COX7A2L: variants seen among roughly 807,000 people sequenced by gnomAD.
COX7A2L encodes cytochrome c oxidase subunit 7A2 like.
COX7A2L carries 18 observed loss-of-function variants against 14.2 expected under a neutral mutation model. The observed-to-expected ratio is 1.27, with a 90% CI of 0.88 to 1.88. The LOEUF (loss-of-function observed/expected upper bound fraction) is 1.88, where lower values mean the gene tolerates loss of function less well. COX7A2L is among the 40% of genes most tolerant of loss of function. COX7A2L has a pLI of 0.00. For missense variants in COX7A2L, 179 were observed against 138.8 expected (o/e 1.29, Z -1.46); for synonymous variants, 65 against 57.4 (o/e 1.13, Z -0.60).
downstream of COX7A2L, among the ~76,000 whole-genome samples, chr2:42,346,556 T>C (rs570285065): frequency 7.9e-5 from 12 of 152,208 alleles, no homozygotes; most frequent in South Asian, 4.2e-4. Context: ...AGCAGGAGGA[T>C]TGCTTGAGGC....
rs745545306 is a variant in COX7A2L at position 42,353,230 on chromosome 2, C to T, written c.186G>A (p.Glu62=). 6 of 1,614,098 alleles carry T rather than the reference C, an allele frequency of 3.7e-6. No homozygotes were observed. In the South Asian group the frequency reaches 6.6e-5, roughly 18 times the overall value. ...CCCTCACCTGGAAAAACTTTTGTAG[C>T]TCTGGAACTTTGTTTTTCCCAGCAT... ...YDYAGKNKVP[E]LQKFFQKADG... The change falls in exon 2 of 3, where the codon GAG becomes GAA. Residue 62 remains glutamate, a synonymous_variant. Coordinates refer to ENST00000234301, the MANE Select transcript of COX7A2L (RefSeq NM_004718.4).
Position 42,339,240 on chromosome 2 carries a change from C to T in COX7A2L, c.193-5371G>A, listed in dbSNP as rs1670350317. Among the ~76,000 whole-genome samples the T allele has an allele frequency of 6.6e-6, 1 of 152,164 alleles. No homozygotes were observed. Among genetic ancestry groups the T allele is most frequent in the East Asian group, 1.9e-4 (1 of 5,194 alleles). On this transcript the variant is annotated intron_variant, in intron 2 of 2. Coordinates refer to the COX7A2L transcript ENST00000468711. The surrounding 1 kb of genome is among the most constrained non-coding windows in gnomAD (Gnocchi z 5.4). ...AAACACAAGGATTTGCCAGGGAGGG[C>T]ACTCAGGAAACCACAGACGCGGCCG... is the stretch of plus-strand genomic sequence containing the variant.
At chr2:42,351,840 G>T (rs1256832169) in intron 2 of COX7A2L, among the ~76,000 whole-genome samples, 5 of 152,134 alleles carry the variant, frequency 3.3e-5, no homozygotes, top group Non-Finnish European at 7.4e-5. Context: ...AGGTGTGGTG[G>T]TATGCACCTG....
At chr2:42,355,425 G>A (rs184650428) in intron 1 of COX7A2L, among the ~76,000 whole-genome samples, 6 of 152,198 alleles carry the variant, frequency 3.9e-5, no homozygotes, top group East Asian at 1.9e-4. Flanking sequence ...TTCATGTTTC[G>A]ACAGGACTAA....
chr2:42,348,662 T>C (rs1372373775), downstream of COX7A2L, among the ~76,000 whole-genome samples: 1 of 152,144 alleles, frequency 6.6e-6, no homozygotes, highest in East Asian at 1.9e-4. Context: ...CTCACGCCTG[T>C]AATCCCAGCA....
chr2:42,361,263 G>T, upstream of COX7A2L: 1 of 1,127,444 alleles, frequency 8.9e-7, no homozygotes, highest in Non-Finnish European at 1.3e-6. Context: ...GCAAGGACCC[G>T]GTGCTGGGAC....
chr2:42,338,444 G>A lies in COX7A2L; in HGVS notation c.193-4575C>T, dbSNP rs1448178072. ...AGGTGACCAGGCTTTCTCCGAGAGC[G>A]ACAGGCCCCAGCTATGCTGGCAAGA... On this transcript the variant is annotated intron_variant, in intron 2 of 2. Transcript: ENST00000468711. This position sits in a 1 kb window ranked among gnomAD's most constrained non-coding sequence, Gnocchi z 4.4. Among the ~76,000 whole-genome samples, 13 of 152,176 alleles carry A rather than the reference G, an allele frequency of 8.5e-5. No homozygotes were observed. Among genetic ancestry groups the A allele is most frequent in the East Asian group, 1.9e-4 (1 of 5,194 alleles).
intron 2 of COX7A2L, among the ~76,000 whole-genome samples, chr2:42,351,579 T>G (rs1050101366): frequency 2.6e-5 from 4 of 152,232 alleles, no homozygotes; most frequent in Admixed American, 2.6e-4. Flanking sequence ...GAAGCATGCA[T>G]GCAAAAGATT....
intron 1 of COX7A2L, 150 bp downstream of exon 1, chr2:42,360,940 T>C: frequency 1.3e-6 from 1 of 756,708 alleles, no homozygotes; most frequent in East Asian, 2.7e-5. Flanking sequence ...CACCGTACGC[T>C]GGTGTGGAGA....
Position 42,342,078 on chromosome 2 carries a change from C to A in COX7A2L, c.193-8209G>T, listed in dbSNP as rs550725880. On this transcript the variant is annotated intron_variant, in intron 2 of 2. Coordinates refer to the COX7A2L transcript ENST00000468711. This position sits in a 1 kb window ranked among gnomAD's most constrained non-coding sequence, Gnocchi z 4.9. ...TATGAACTGATTCTAGAGCATCTGA[C>A]CTTCCCCACCCTCTCTAGTGGCGAG... Among the ~76,000 whole-genome samples, 25 of 152,302 alleles carry A rather than the reference C, an allele frequency of 1.6e-4. No individual in the cohort carries two copies. Among genetic ancestry groups the A allele is most frequent in the African/African-American group, 6.0e-4 (25 of 41,566 alleles).
chr2:42,346,609 C>G (rs1205245915), downstream of COX7A2L, among the ~76,000 whole-genome samples: 1 of 152,014 alleles, frequency 6.6e-6, no homozygotes, highest in Non-Finnish European at 1.5e-5. Flanking sequence ...AGCAAGACCT[C>G]GTCTCTCCCA....
Position 42,342,073 on chromosome 2 carries a change from T to A in COX7A2L, c.193-8204A>T, listed in dbSNP as rs1332658484. 1.3e-5 allele frequency among the ~76,000 whole-genome samples: 2 copies of A among 152,178 alleles called. No individual in the cohort carries two copies. Among genetic ancestry groups the A allele is most frequent in the African/African-American group, 4.8e-5 (2 of 41,436 alleles). ...CCAGGTATGAACTGATTCTAGAGCA[T>A]CTGACCTTCCCCACCCTCTCTAGTG... On this transcript the variant is annotated intron_variant, in intron 2 of 2. Coordinates refer to the COX7A2L transcript ENST00000468711. The surrounding 1 kb of genome is among the most constrained non-coding windows in gnomAD (Gnocchi z 4.9).
At chr2:42,366,115 AC>A (rs1671158962), upstream of COX7A2L, among the ~76,000 whole-genome samples, 1 of 152,148 alleles carries the variant, frequency 6.6e-6, no homozygotes, top group South Asian at 2.1e-4. Flanking sequence ...TAGAAAAGCT[AC>A]CTGAATCTAT....
At chr2:42,340,110 C>G (rs756729450) in intron 2 of COX7A2L, among the ~76,000 whole-genome samples, 4 of 152,134 alleles carry the variant, frequency 2.6e-5, no homozygotes, top group Non-Finnish European at 5.9e-5. Context: ...GATTCCTCAC[C>G]TAGAAGACCC....
downstream of COX7A2L, chr2:42,349,263 C>T (rs1204796414): frequency 6.6e-6 from 1 of 152,206 alleles, no homozygotes; most frequent in Non-Finnish European, 1.5e-5. Context: ...CGATTGAATA[C>T]TATTCAGATA....
upstream of COX7A2L, among the ~76,000 whole-genome samples, chr2:42,364,672 AT>A (rs762981948): frequency 2.7e-4 from 41 of 152,272 alleles, no homozygotes; most frequent in Non-Finnish European, 5.0e-4. Flanking sequence ...TGGTGTGGAA[AT>A]TTTATCTTCC....
rs761080100 is a variant in COX7A2L at position 42,338,651 on chromosome 2, T to A, written c.193-4782A>T. ...AGAGCCTTAGTGTGATTCAACTCCA[T>A]CCCCACCTGGCGGTCAGCCTGTCGA... On this transcript the variant is annotated intron_variant, in intron 2 of 2. Transcript: ENST00000468711. The surrounding 1 kb of genome is among the most constrained non-coding windows in gnomAD (Gnocchi z 4.4). Among the ~76,000 whole-genome samples, 3 of 151,940 alleles carry A rather than the reference T, an allele frequency of 2.0e-5. No individual in the cohort carries two copies. The highest frequency in any genetic ancestry group is 2.9e-5 in the Non-Finnish European group (2 of 67,994).
chr2:42,339,410 G>C lies in COX7A2L; in HGVS notation c.193-5541C>G, dbSNP rs1403664734. 6.6e-6 allele frequency among the ~76,000 whole-genome samples: 1 copy of C among 152,152 alleles called. No individual in the cohort carries two copies. The highest frequency in any genetic ancestry group is 2.4e-5 in the African/African-American group (1 of 41,440). ...GACACACACTAGTGGTGAACCAAGA[G>C]GACTGCGGGGCAGCCTCCAAGGCCA... On this transcript the variant is annotated intron_variant, in intron 2 of 2. Coordinates refer to the COX7A2L transcript ENST00000468711. This position sits in a 1 kb window ranked among gnomAD's most constrained non-coding sequence, Gnocchi z 5.4.
chr2:42,363,096 A>T (rs1353224570), upstream of COX7A2L, among the ~76,000 whole-genome samples: 7 of 152,080 alleles, frequency 4.6e-5, no homozygotes, highest in East Asian at 1.4e-3. Flanking sequence ...GGCTAGTCTC[A>T]AACTCCTGGG....
Sources: gnomAD v4.1 joint callset for allele counts (sites outside exome capture counted in the v4.1 genomes callset) on GRCh38, gnomAD v4.1.1 for gene constraint, Gnocchi (gnomAD v3.1) non-coding constraint, MANE v1.5 for transcripts, NCBI Gene and HGNC (gene_info 2026-07-23, HGNC 2026-07-21) for gene names.